GRIK1: variants seen among roughly 807,000 people sequenced by gnomAD.
GRIK1 encodes the protein glutamate ionotropic receptor kainate type subunit 1.
GRIK1 carries 69 observed loss-of-function variants against 105.7 expected under a neutral mutation model. The observed-to-expected ratio is 0.65, with a 90% confidence interval of 0.54 to 0.80. The LOEUF (loss-of-function observed/expected upper bound fraction) is 0.80, where lower values mean the gene tolerates loss of function less well. Ranked by LOEUF, GRIK1 falls within the 30% of genes least tolerant of loss-of-function variation. The pLI is 0.00. For synonymous variants in GRIK1, 438 were observed against 431.3 expected (o/e 1.02, Z -0.19); for missense variants, 1,109 against 1,167.3 (o/e 0.95, Z 0.73).
At chr21:29,751,198 T>C (rs2065192375) in intron 1 of GRIK1, among the ~76,000 whole-genome samples, 1 of 152,238 alleles carries the variant, frequency 6.6e-6, no homozygotes, top group Admixed American at 6.5e-5. Flanking sequence ...ACAGGGGATA[T>C]GATGGCTTAG....
intron 1 of GRIK1, among the ~76,000 whole-genome samples, chr21:29,704,563 A>G (rs1251843342): frequency 6.6e-6 from 1 of 152,204 alleles, no homozygotes; most frequent in Non-Finnish European, 1.5e-5. Flanking sequence ...TGTTGTCCCC[A>G]GTAAATGGTC....
chr21:29,895,244 G>C (rs1349397922), intron 1 of GRIK1, among the ~76,000 whole-genome samples: 7 of 152,156 alleles, frequency 4.6e-5, no homozygotes, highest in South Asian at 2.1e-4. Flanking sequence ...AAACCCAGGG[G>C]TAGGTTCACA....
chr21:29,911,872 C>A (rs987628800), intron 1 of GRIK1, among the ~76,000 whole-genome samples: 1 of 152,156 alleles, frequency 6.6e-6, no homozygotes, highest in East Asian at 1.9e-4. Context: ...TGTTGTTTAT[C>A]AGCTACCTGG....
chr21:29,789,320 C>G (rs1359483003), intron 1 of GRIK1, among the ~76,000 whole-genome samples: 1 of 152,164 alleles, frequency 6.6e-6, no homozygotes. Flanking sequence ...CCAATCAGAA[C>G]AAAATGCTTG....
At chr21:29,935,441 A>G (rs953929827) in intron 1 of GRIK1, among the ~76,000 whole-genome samples, 3 of 152,216 alleles carry the variant, frequency 2.0e-5, no homozygotes, top group African/African-American at 7.2e-5. Context: ...TGAAGAATGA[A>G]TATTAAAATG....
chr21:29,724,190 C>T (rs990759719), intron 1 of GRIK1, among the ~76,000 whole-genome samples: 1 of 152,178 alleles, frequency 6.6e-6, no homozygotes, highest in East Asian at 1.9e-4. Context: ...ATTCCTTTAG[C>T]GTGACATCAG....
At chr21:29,712,294 A>G (rs1410900527) in intron 1 of GRIK1, among the ~76,000 whole-genome samples, 1 of 152,140 alleles carries the variant, frequency 6.6e-6, no homozygotes, top group Non-Finnish European at 1.5e-5. Flanking sequence ...GCCAGACATT[A>G]TATTCATTTC....
intron 1 of GRIK1, among the ~76,000 whole-genome samples, chr21:29,852,031 TCTGA>T (rs2068322715): frequency 2.0e-5 from 3 of 152,312 alleles, no homozygotes; most frequent in South Asian, 2.1e-4. Flanking sequence ...AATTTTCAAG[TCTGA>T]CTATTTCTCC....
intron 7 of GRIK1, among the ~76,000 whole-genome samples, chr21:29,620,887 G>T (rs952980197): frequency 7.3e-6 from 1 of 136,386 alleles, no homozygotes; most frequent in Non-Finnish European, 1.6e-5. Flanking sequence ...CTAGAGCAAT[G>T]TGTGATATAT....
intron 7 of GRIK1, among the ~76,000 whole-genome samples, chr21:29,629,364 T>C (rs1431183426): frequency 6.6e-6 from 1 of 151,988 alleles, no homozygotes; most frequent in East Asian, 1.9e-4. Context: ...GCAGCACAAG[T>C]AGACACTGAG....
intron 1 of GRIK1, among the ~76,000 whole-genome samples, chr21:29,803,147 T>G (rs2145862527): frequency 6.6e-6 from 1 of 152,296 alleles, no homozygotes; most frequent in Non-Finnish European, 1.5e-5. Flanking sequence ...GGTGGTCAGA[T>G]GTAAAGTAAC....
intron 15 of GRIK1, among the ~76,000 whole-genome samples, chr21:29,560,343 CTTTCTTTCTTTCTT>C (rs2090381155): frequency 9.2e-6 from 1 of 109,248 alleles, no homozygotes; most frequent in South Asian, 2.9e-4. Context: ...TTCTTTCTTT[CTTTCTTTCTTTCTT>C]TTTCTTTCTT....
intron 1 of GRIK1, chr21:29,861,599 G>A (rs939604444): frequency 1.3e-5 from 4 of 298,152 alleles, no homozygotes; most frequent in South Asian, 2.6e-5. Flanking sequence ...GAGCCAACAC[G>A]CCCGGCTGCA....
chr21:29,824,842 C>T (rs892175946), intron 1 of GRIK1, among the ~76,000 whole-genome samples: 3 of 152,030 alleles, frequency 2.0e-5, no homozygotes, highest in African/African-American at 7.2e-5. Context: ...CAGCATCCCA[C>T]TGACTTCGCT....
chr21:29,895,269 G>A (rs2070094837), intron 1 of GRIK1, among the ~76,000 whole-genome samples: 1 of 152,162 alleles, frequency 6.6e-6, no homozygotes, highest in South Asian at 2.1e-4. Flanking sequence ...AAGAGAATGA[G>A]TGTATTTCTG....
At chr21:29,754,496 A>C (rs1242654697) in intron 1 of GRIK1, among the ~76,000 whole-genome samples, 3 of 152,228 alleles carry the variant, frequency 2.0e-5, no homozygotes, top group Non-Finnish European at 4.4e-5. Context: ...AGATCATGAA[A>C]GCATAATTTC....
rs550691319 is a variant in GRIK1, at chr21:29,637,434, G to A, written c.1098+5392C>T. On this transcript the variant is annotated intron_variant, in intron 7 of 17. Transcript: ENST00000327783. ...CTGACCTGAGAAGCAGCTTGCTATG[G>A]TATTCTGGTAGCTCATGCTGTAGTT... Among the ~76,000 whole-genome samples the A allele has an allele frequency of 1.9e-4, 29 of 152,292 alleles. 1 individual carries two copies. The South Asian group carries it at 5.6e-3, about 29-fold the overall frequency.
At chr21:29,792,539 G>A (rs549117766) in intron 1 of GRIK1, among the ~76,000 whole-genome samples, 98 of 152,308 alleles carry the variant, frequency 6.4e-4, no homozygotes, top group African/African-American at 2.2e-3. Flanking sequence ...TTCATCCCAA[G>A]TACGCAGTAG....
At chr21:29,884,574 G>C (rs926200998) in intron 1 of GRIK1, among the ~76,000 whole-genome samples, 1 of 151,972 alleles carries the variant, frequency 6.6e-6, no homozygotes, top group Non-Finnish European at 1.5e-5. Flanking sequence ...TAAAACATAA[G>C]AAAACATGAA....
Sources: allele counts gnomAD v4.1 joint callset (sites outside exome capture counted in the v4.1 genomes callset), GRCh38; gene constraint gnomAD v4.1.1; transcripts MANE v1.5; gene names NCBI Gene and HGNC (gene_info 2026-07-23, HGNC 2026-07-21).